Variants in SOBP observed in about 807,000 individuals in gnomAD.
The protein encoded by SOBP is sine oculis-binding protein homolog.
In SOBP, 4 loss-of-function variants were observed where a neutral mutation model predicts 53.6. The observed-to-expected ratio is 0.07, with a 90% CI of 0.04 to 0.17. The LOEUF (loss-of-function observed/expected upper bound fraction) is 0.17, where lower values mean the gene tolerates loss of function less well. Ranked by LOEUF, SOBP falls within the 10% of genes least tolerant of loss-of-function variation. The probability of loss-of-function intolerance (pLI) is 1.00; values close to 1 mark genes in which losing one functional copy is unlikely to be tolerated. For synonymous variants in SOBP, 584 were observed against 522.6 expected (o/e 1.12, Z -1.60); for missense variants, 1,088 against 1,204.7 (o/e 0.90, Z 1.43).
Position 107,635,182 on chromosome 6 carries a change from T to A in SOBP, c.2338T>A (p.Cys780Ser). The change falls in exon 6 of 7, where the codon TGC (cysteine) becomes AGC (serine). Residue 780 changes from cysteine (C) to serine (S), a missense_variant. This residue lies in a region of SOBP where 665 missense variants were observed against 629.7 expected (regional missense o/e 1.06). Coordinates refer to ENST00000317357, the MANE Select transcript of SOBP (RefSeq NM_018013.4). This position sits in a 1 kb window ranked among gnomAD's most constrained non-coding sequence, Gnocchi z 4.5. The stretch of plus-strand genomic sequence containing the variant: ...CAAGGAGAATAACTGTGCTTCCAAC[T>A]GCCACCTGGACGGGGAGGCGGCCAA... ...SVKENNCASN[C>S]HLDGEAAKKL... is the part of the protein sequence containing the mutation. 2 of 1,613,684 alleles carry A rather than the reference T, an allele frequency of 1.2e-6. No individual in the cohort carries two copies. The highest frequency in any genetic ancestry group is 1.7e-6 in the Non-Finnish European group (2 of 1,179,896).
chr6:107,621,051 C>A, intron 5 of SOBP: 1 of 368,794 alleles, frequency 2.7e-6, no homozygotes, highest in Non-Finnish European at 3.8e-6. Context: ...ATTTACTTAG[C>A]TCTAAAATAA....
chr6:107,594,925 T>C lies in SOBP; in HGVS notation c.669+7750T>C, dbSNP rs536343260. 1.6e-4 allele frequency among the ~76,000 whole-genome samples: 25 copies of C among 152,324 alleles called. No homozygotes were observed. The East Asian group carries it at 4.4e-3, about 27-fold the overall frequency. Reference sequence around the variant, plus strand: ...ACCCACATCTCTGACCACACACCCATGCTTGTGCTCAGGCCAACACATGCC... The same window carrying C: ...ACCCACATCTCTGACCACACACCCACGCTTGTGCTCAGGCCAACACATGCC... On this transcript the variant is annotated intron_variant, in intron 5 of 6. Coordinates refer to ENST00000317357, the MANE Select transcript of SOBP (RefSeq NM_018013.4).
intron 3 of SOBP, among the ~76,000 whole-genome samples, chr6:107,519,609 A>G (rs899362354): frequency 2.6e-5 from 4 of 152,208 alleles, no homozygotes; most frequent in Non-Finnish European, 4.4e-5. Context: ...ATTCACTGAA[A>G]CATTTGCAAA....
At chr6:107,515,582 C>T (rs1783293793) in intron 3 of SOBP, among the ~76,000 whole-genome samples, 1 of 152,090 alleles carries the variant, frequency 6.6e-6, no homozygotes, top group African/African-American at 2.4e-5. Context: ...AACCCTGTCT[C>T]TACTAAAAAT....
intron 4 of SOBP, among the ~76,000 whole-genome samples, chr6:107,546,990 A>G (rs1451368637): frequency 6.6e-6 from 1 of 152,196 alleles, no homozygotes; most frequent in East Asian, 1.9e-4. Flanking sequence ...ATAGTGTACC[A>G]TCCCAGGGGT....
At chr6:107,508,494 G>A (rs193028264) in intron 3 of SOBP, among the ~76,000 whole-genome samples, 19 of 152,176 alleles carry the variant, frequency 1.2e-4, no homozygotes, top group Admixed American at 1.2e-3. Flanking sequence ...CAGGAGAATC[G>A]CTTGAGCCTG....
intron 4 of SOBP, among the ~76,000 whole-genome samples, chr6:107,574,008 T>C (rs1785152451): frequency 6.6e-6 from 1 of 152,172 alleles, no homozygotes; most frequent in Non-Finnish European, 1.5e-5. Flanking sequence ...AGATGCTCAA[T>C]AAGTGGAGAA....
chr6:107,501,679 G>A (rs1411186509), intron 1 of SOBP, among the ~76,000 whole-genome samples: 1 of 152,042 alleles, frequency 6.6e-6, no homozygotes, highest in Non-Finnish European at 1.5e-5. Context: ...GTGTGCCTAG[G>A]GATTGTCATT....
At chr6:107,532,274 A>AC (rs1211451799) in intron 3 of SOBP, among the ~76,000 whole-genome samples, 463 of 142,980 alleles carry the variant, frequency 3.2e-3, no homozygotes, top group Middle Eastern at 0.011. Flanking sequence ...CACACACACC[A>AC]CACACACACA....
At chr6:107,573,092 G>A (rs574425813) in intron 4 of SOBP, among the ~76,000 whole-genome samples, 54 of 152,236 alleles carry the variant, frequency 3.5e-4, no homozygotes, top group African/African-American at 1.0e-3. Flanking sequence ...TTGAGGGAGC[G>A]AAATGGATAG....
chr6:107,519,936 G>A (rs1279377203), intron 3 of SOBP, among the ~76,000 whole-genome samples: 2 of 152,154 alleles, frequency 1.3e-5, no homozygotes, highest in Non-Finnish European at 2.9e-5. Flanking sequence ...AGTGCCATGT[G>A]TACAGAAGTC....
At chr6:107,536,929 A>T (rs1428852600) in intron 4 of SOBP, among the ~76,000 whole-genome samples, 1 of 152,192 alleles carries the variant, frequency 6.6e-6, no homozygotes, top group African/African-American at 2.4e-5. Flanking sequence ...GGGTAAGAAA[A>T]ATACTTATGT....
At chr6:107,575,333 A>T (rs1388483371) in intron 4 of SOBP, among the ~76,000 whole-genome samples, 2 of 152,134 alleles carry the variant, frequency 1.3e-5, no homozygotes, top group African/African-American at 4.8e-5. Context: ...TTCTATATTG[A>T]ATTTTCTTCC....
At chr6:107,493,514 G>A (rs1356241830) in intron 1 of SOBP, among the ~76,000 whole-genome samples, 1 of 152,162 alleles carries the variant, frequency 6.6e-6, no homozygotes, top group Non-Finnish European at 1.5e-5. Context: ...TTTGGCTCAG[G>A]GATTAGGGAA....
chr6:107,506,254 C>T lies in SOBP; in HGVS notation c.248C>T (p.Pro83Leu), dbSNP rs1467061368. 1 of 1,614,034 alleles carries T rather than the reference C, an allele frequency of 6.2e-7. No homozygotes were observed. The highest frequency in any genetic ancestry group is 8.5e-7 in the Non-Finnish European group (1 of 1,179,992). ...HISVLKENSL[P>L]KPKLPEDSVI... is the part of the protein sequence containing the mutation. ...TTTTCTTTTACAGAAAATTCTTTGCCAAAACCAAAATTACCCGAGGACAGT... is the reference window on the plus strand; with the variant it reads ...TTTTCTTTTACAGAAAATTCTTTGCTAAAACCAAAATTACCCGAGGACAGT... The change falls in exon 3 of 7, where the codon CCA becomes CTA. Residue 83 changes from proline (P) to leucine (L), a missense_variant. Pro to Leu is a moderately conservative substitution (Grantham distance 98, BLOSUM62 -3). This residue lies in a region of SOBP where 112 missense variants were observed against 117.9 expected (regional missense o/e 0.95). Coordinates refer to ENST00000317357, the MANE Select transcript of SOBP (RefSeq NM_018013.4).
intron 3 of SOBP, among the ~76,000 whole-genome samples, chr6:107,506,911 G>T (rs545310867): frequency 6.6e-6 from 1 of 152,036 alleles, no homozygotes; most frequent in Non-Finnish European, 1.5e-5. Context: ...CAAAAAATTA[G>T]TTAGGTGTGG....
At chr6:107,565,791 C>G (rs1223128995) in intron 4 of SOBP, among the ~76,000 whole-genome samples, 2 of 152,200 alleles carry the variant, frequency 1.3e-5, no homozygotes, top group Non-Finnish European at 2.9e-5. Context: ...AGTTTCAGCA[C>G]CTTCCAAATC....
At chr6:107,616,703 C>T (rs1007791758) in intron 5 of SOBP, among the ~76,000 whole-genome samples, 3 of 152,180 alleles carry the variant, frequency 2.0e-5, no homozygotes, top group Non-Finnish European at 2.9e-5. Flanking sequence ...GCGCTCTCTG[C>T]GAGGGGCCGA....
chr6:107,585,667 G>A (rs1260633069), intron 4 of SOBP, among the ~76,000 whole-genome samples: 1 of 152,192 alleles, frequency 6.6e-6, no homozygotes, highest in Non-Finnish European at 1.5e-5. Context: ...AACCAAAAGA[G>A]AGCAATCTCT....
Sources: gnomAD v4.1 joint callset for allele counts (sites outside exome capture counted in the v4.1 genomes callset) on GRCh38, gnomAD v4.1.1 for gene constraint, gnomAD v4.1.1 regional missense constraint, Gnocchi (gnomAD v3.1) non-coding constraint, MANE v1.5 for transcripts, NCBI Gene and HGNC (gene_info 2026-07-23, HGNC 2026-07-21) for gene names.